ZNF385B: variants seen among roughly 807,000 people sequenced by gnomAD.
ZNF385B encodes the protein zinc finger protein 385B.
Under a neutral mutation model 39.2 loss-of-function variants are expected in ZNF385B, and 23 were observed. That is an observed-to-expected ratio of 0.59 (90% CI 0.42 to 0.83). The LOEUF (loss-of-function observed/expected upper bound fraction) is 0.83, where lower values mean the gene tolerates loss of function less well. Among genes scored for constraint, ZNF385B ranks in the 40% least tolerant of loss-of-function variants. The pLI is 0.00. For synonymous variants in ZNF385B, 205 were observed against 222.6 expected (o/e 0.92, Z 0.70); for missense variants, 552 against 598.9 (o/e 0.92, Z 0.82).
At chr2:179,453,145 C>A (rs1457942599) in intron 6 of ZNF385B, among the ~76,000 whole-genome samples, 6 of 152,070 alleles carry the variant, frequency 3.9e-5, no homozygotes, top group African/African-American at 1.4e-4. Flanking sequence ...TTTCTAACAC[C>A]AAATGATATT....
intron 5 of ZNF385B, among the ~76,000 whole-genome samples, chr2:179,516,833 G>C (rs899696230): frequency 1.3e-5 from 2 of 151,886 alleles, no homozygotes; most frequent in Non-Finnish European, 2.9e-5. Flanking sequence ...AAGCCAAATA[G>C]ATTTTCTACT....
intron 3 of ZNF385B, among the ~76,000 whole-genome samples, chr2:179,555,157 A>G (rs2060824604): frequency 6.7e-6 from 1 of 149,880 alleles, no homozygotes. Flanking sequence ...CAGCAATGAG[A>G]ACAAATGGCA....
chr2:179,451,477 A>G (rs886903473), intron 6 of ZNF385B, among the ~76,000 whole-genome samples: 2 of 152,074 alleles, frequency 1.3e-5, no homozygotes, highest in Non-Finnish European at 2.9e-5. Context: ...TAAAACATAT[A>G]CTAAGGGCAG....
chr2:179,664,108 C>CTT (rs60114910), intron 3 of ZNF385B, among the ~76,000 whole-genome samples: 1 of 139,232 alleles, frequency 7.2e-6, no homozygotes, highest in African/African-American at 2.6e-5. Flanking sequence ...TTCTCTTTGG[C>CTT]TTTTTTTTTT....
chr2:179,652,622 T>C (rs1384438480), intron 3 of ZNF385B, among the ~76,000 whole-genome samples: 1 of 152,136 alleles, frequency 6.6e-6, no homozygotes, highest in East Asian at 1.9e-4. Flanking sequence ...TCTTGACACT[T>C]TGCCATTGTA....
intron 9 of ZNF385B, among the ~76,000 whole-genome samples, chr2:179,444,635 C>A (rs1005414811): frequency 3.3e-5 from 5 of 152,198 alleles, no homozygotes; most frequent in African/African-American, 1.2e-4. Context: ...AGAGGATAGT[C>A]TTTTGAAAAC....
chr2:179,612,164 A>G (rs889200258), intron 3 of ZNF385B, among the ~76,000 whole-genome samples: 37 of 152,094 alleles, frequency 2.4e-4, no homozygotes, highest in African/African-American at 8.7e-4. Flanking sequence ...CAAAACTGCT[A>G]TTTTTAGTTC....
At chr2:179,772,021 G>A (rs1361445438) in intron 1 of ZNF385B, among the ~76,000 whole-genome samples, 1 of 152,094 alleles carries the variant, frequency 6.6e-6, no homozygotes, top group African/African-American at 2.4e-5. Context: ...AGGTGCCCAG[G>A]CTTGTCCATA....
chr2:179,634,925 T>A (rs901295445), intron 3 of ZNF385B, among the ~76,000 whole-genome samples: 8 of 146,994 alleles, frequency 5.4e-5, no homozygotes, highest in African/African-American at 2.0e-4. Flanking sequence ...GTCAGGAGAT[T>A]CAGACCTTCC....
chr2:179,506,794 C>T (rs2057288356), intron 5 of ZNF385B, among the ~76,000 whole-genome samples: 1 of 151,782 alleles, frequency 6.6e-6, no homozygotes. Context: ...ATGCCTTTTT[C>T]CTAGAGAGGA....
At chr2:179,817,665 C>CTGTG (rs3085981) in intron 1 of ZNF385B, among the ~76,000 whole-genome samples, 44,685 of 149,480 alleles carry the variant, frequency 0.3, 6,854 homozygotes, top group Admixed American at 0.43. Flanking sequence ...GTGTAACCCT[C>CTGTG]TGTGTGTGTG....
intron 4 of ZNF385B, among the ~76,000 whole-genome samples, chr2:179,521,236 G>C (rs1047635165): frequency 6.6e-6 from 1 of 151,792 alleles, no homozygotes. Context: ...GCCCAGGCTG[G>C]AGTGTAGTGG....
rs1468407040 is a variant in ZNF385B at position 179,770,674 on chromosome 2, T to C, written c.-154-2A>G. 1.3e-5 allele frequency: 2 copies of C among 152,208 alleles called. No homozygotes were observed. Among genetic ancestry groups the C allele is most frequent in the Non-Finnish European group, 2.9e-5 (2 of 68,030 alleles). The allele number at this position is 152,208 out of a possible 1,614,324, so 9.4% of individuals were successfully genotyped here. ...TGATGGAGTTGAAATGTAGAACATC[T>C]GAAATACAAAATAATATAAAATTTT... On this transcript the variant is annotated splice_acceptor_variant, in intron 1 of 9. Coordinates refer to ENST00000410066, the MANE Select transcript of ZNF385B (RefSeq NM_152520.6). LOFTEE classifies it low-confidence loss of function (5UTR_SPLICE).
intron 6 of ZNF385B, among the ~76,000 whole-genome samples, chr2:179,467,610 C>A (rs1461748199): frequency 6.6e-6 from 1 of 152,070 alleles, no homozygotes; most frequent in East Asian, 1.9e-4. Context: ...TATCCAGTGC[C>A]CACATTATCA....
At chr2:179,497,584 AACTC>A (rs1333161240) in intron 5 of ZNF385B, among the ~76,000 whole-genome samples, 2 of 152,164 alleles carry the variant, frequency 1.3e-5, no homozygotes, top group East Asian at 1.9e-4. Context: ...AAAAGGAAGA[AACTC>A]AATCATATCA....
intron 3 of ZNF385B, among the ~76,000 whole-genome samples, chr2:179,694,205 G>A (rs1008898569): frequency 6.6e-6 from 1 of 152,172 alleles, no homozygotes; most frequent in African/African-American, 2.4e-5. Flanking sequence ...TCATAGCCAT[G>A]TAGATTGTTT....
At chr2:179,695,555 C>A (rs1391624169) in intron 3 of ZNF385B, among the ~76,000 whole-genome samples, 4 of 152,022 alleles carry the variant, frequency 2.6e-5, no homozygotes, top group Non-Finnish European at 4.4e-5. Flanking sequence ...ACAGATATTT[C>A]CCCAAGGAAG....
chr2:179,773,746 A>G (rs374695983), intron 1 of ZNF385B, among the ~76,000 whole-genome samples: 4 of 152,208 alleles, frequency 2.6e-5, no homozygotes, highest in African/African-American at 9.7e-5. Context: ...AAACAATCCA[A>G]TGAGAAATAC....
intron 8 of ZNF385B, among the ~76,000 whole-genome samples, chr2:179,445,321 A>C (rs577490178): frequency 6.6e-6 from 1 of 152,132 alleles, no homozygotes; most frequent in African/African-American, 2.4e-5. Flanking sequence ...TACTGTTCCT[A>C]TCTCTCCAAC....
Sources: allele counts gnomAD v4.1 joint callset (sites outside exome capture counted in the v4.1 genomes callset), GRCh38; gene constraint gnomAD v4.1.1; transcripts MANE v1.5; gene names NCBI Gene and HGNC (gene_info 2026-07-23, HGNC 2026-07-21).